COL5A3: variants seen among roughly 807,000 people sequenced by gnomAD.
COL5A3 encodes the protein collagen type V alpha 3 chain, also known as collagen alpha-3(V) chain.
Under a neutral mutation model 250.0 loss-of-function variants are expected in COL5A3, and 172 were observed. That is an observed-to-expected ratio of 0.69 (90% CI 0.61 to 0.78). The LOEUF (loss-of-function observed/expected upper bound fraction) is 0.78, where lower values mean the gene tolerates loss of function less well. COL5A3 is among the 30% of genes least tolerant of loss of function. COL5A3 has a pLI of 0.00. For synonymous variants in COL5A3, 937 were observed against 900.4 expected, an observed-to-expected ratio of 1.04 and a Z score of -0.73; for missense variants, 2,340 against 2,334.4, an observed-to-expected ratio of 1.00 and a Z score of -0.05.
chr19:9,995,395 C>T (rs1018283047), intron 16 of COL5A3, among the ~76,000 whole-genome samples, 169 bp downstream of exon 16: 4 of 152,354 alleles, frequency 2.6e-5, no homozygotes, highest in East Asian at 1.9e-4. Flanking sequence ...CCTGACTCTA[C>T]GGCCTGGCCG....
Position 9,960,803 on chromosome 19 carries a change from A to C in COL5A3, c.4939T>G (p.Phe1647Val). 1 of 1,613,824 alleles carries C rather than the reference A, an allele frequency of 6.2e-7. No homozygotes were observed. The highest frequency in any genetic ancestry group is 8.5e-7 in the Non-Finnish European group (1 of 1,180,030). ...KLLSATARQN[F>V]TYSCQNAAAW... Reference sequence around the variant, plus strand: ...GCTGCATTCTGGCAGGAGTAGGTGAAGTTCTGGCGAGCTGTGGCACTCAGC... The same window carrying C: ...GCTGCATTCTGGCAGGAGTAGGTGACGTTCTGGCGAGCTGTGGCACTCAGC... The change falls in exon 66 of 67, where the codon TTC becomes GTC. Residue 1647 changes from phenylalanine (F) to valine (V), a missense_variant. Around this residue, in one of 3 missense-constraint regions of COL5A3, gnomAD observed 1,179 missense variants for 1,162.6 expected, o/e 1.01. Coordinates refer to ENST00000264828, the MANE Select transcript of COL5A3 (RefSeq NM_015719.4).
At chr19:10,007,321 C>T (rs1358375253) in intron 1 of COL5A3, among the ~76,000 whole-genome samples, 1 of 152,190 alleles carries the variant, frequency 6.6e-6, no homozygotes, top group Non-Finnish European at 1.5e-5. Flanking sequence ...CTCCTCATTT[C>T]ATCTCTCTGA....
At chr19:9,991,308 C>G (rs779476604) in intron 24 of COL5A3, among the ~76,000 whole-genome samples, 8 of 152,168 alleles carry the variant, frequency 5.3e-5, no homozygotes, top group Admixed American at 5.2e-4. Context: ...GCAGATGTGC[C>G]AGGGAACAAA....
At chr19:9,987,067 A>C (rs1233176971) in intron 27 of COL5A3, among the ~76,000 whole-genome samples, 2 of 151,996 alleles carry the variant, frequency 1.3e-5, no homozygotes, top group Non-Finnish European at 1.5e-5. Context: ...CCAGGCCCGG[A>C]CCTCATTTTA....
At chr19:9,989,403 A>G in intron 25 of COL5A3, 37 bp from the exon 26 acceptor site, 1 of 1,613,994 alleles carries the variant, frequency 6.2e-7, no homozygotes, top group Non-Finnish European at 8.5e-7. Context: ...AGAGACCAAA[A>G]CTTGCCATTC....
At chr19:9,999,858 T>C (rs1461667084) in intron 8 of COL5A3, among the ~76,000 whole-genome samples, 1 of 152,090 alleles carries the variant, frequency 6.6e-6, no homozygotes, top group Non-Finnish European at 1.5e-5. Context: ...AGCCTCCACC[T>C]CCTGGGCTCA....
In COL5A3 at chr19:9,977,368, G is replaced by A. The variant is rs754445580; in HGVS notation, c.3231C>T (p.Asp1077=). ...GAAGPSGEEG[D]KGDVGAPGHK... The stretch of plus-strand genomic sequence containing the variant: ...TTCCTCTCTGTGAACCCCTCACCTT[G>A]TCCCCTTCCTCGCCAGAAGGCCCAG... Residue 1077 remains aspartate, a synonymous_variant, in exon 43 of 67, where the codon GAC becomes GAT. Coordinates refer to ENST00000264828, the MANE Select transcript of COL5A3 (RefSeq NM_015719.4). The A allele has an allele frequency of 1.9e-6, 3 of 1,597,004 alleles. No homozygotes were observed. Among genetic ancestry groups the A allele is most frequent in the Non-Finnish European group, 2.6e-6 (3 of 1,168,476 alleles).
intron 19 of COL5A3, 92 bp downstream of exon 19, chr19:9,993,288 G>C: frequency 7.1e-7 from 1 of 1,412,226 alleles, no homozygotes; most frequent in South Asian, 1.2e-5. Context: ...TCTCAAGCTG[G>C]CCACTGAGAC....
rs148999538 is a variant in COL5A3 at position 10,006,090 on chromosome 19, G to A, written c.230C>T (p.Thr77Met). 2.5e-4 allele frequency: 400 copies of A among 1,614,042 alleles called. No homozygotes were observed. The highest frequency in any genetic ancestry group is 9.9e-4 in the South Asian group (90 of 91,080). ...IGQASTLGIP[T>M]WELFPEGHFP... ...CAACTCACCTGGAAAGAGTTCCCACGTGGGGATGCCGAGCGTGCTGGCCTG... is the reference window on the plus strand; with the variant it reads ...CAACTCACCTGGAAAGAGTTCCCACATGGGGATGCCGAGCGTGCTGGCCTG... Residue 77 changes from threonine to methionine, a missense_variant, in exon 2 of 67, where the codon ACG (threonine) becomes ATG (methionine). By Grantham distance (81) the Thr-to-Met change is moderately conservative. Coordinates refer to ENST00000264828, the MANE Select transcript of COL5A3 (RefSeq NM_015719.4).
At chr19:9,977,553 C>A in intron 42 of COL5A3, 41 bp downstream of exon 42, 2 of 1,531,814 alleles carry the variant, frequency 1.3e-6, no homozygotes, top group South Asian at 2.5e-5. Context: ...CAGGGCCAGA[C>A]CCTGAGGAGG....
At chr19:9,992,725 T>G (rs1326534985) in intron 21 of COL5A3, 102 bp downstream of exon 21, 3 of 1,172,958 alleles carry the variant, frequency 2.6e-6, no homozygotes, top group Non-Finnish European at 3.7e-6. Flanking sequence ...TGCAGAGAGC[T>G]GAGATCTCGC....
At position 9,967,397 on chromosome 19, in the gene COL5A3, A is replaced by C; in HGVS notation, c.4408T>G (p.Ser1470Ala). Residue 1470 changes from serine (S) to alanine (A), a missense_variant, in exon 62 of 67, where the codon TCC becomes GCC. Ser to Ala is a moderately conservative substitution (Grantham distance 99). This residue lies in a region of COL5A3 where 1,179 missense variants were observed against 1,162.6 expected (regional missense o/e 1.01). Coordinates refer to ENST00000264828, the MANE Select transcript of COL5A3 (RefSeq NM_015719.4). ...CCAGTGTCTCCACGGGGGCCCATGG[A>C]CCCCTGTAGGGAGAAGTCACTTGGA... is the stretch of plus-strand genomic sequence containing the variant. ...GQKGSKGSPG[S>A]MGPRGDTGPA... 6.7e-7 allele frequency: 1 copy of C among 1,482,486 alleles called. No homozygotes were observed. The highest frequency in any genetic ancestry group is 8.9e-7 in the Non-Finnish European group (1 of 1,126,130). The allele number at this position is 1,482,486 out of a possible 1,614,324, so 91.8% of individuals were successfully genotyped here.
Position 9,966,651 on chromosome 19 carries a change from G to A in COL5A3, c.4554C>T (p.Ala1518=), listed in dbSNP as rs1337972522. ...VVEGGLEEVL[A]SLTSLSLELE... ...GCTCCAAGCTCAGCGATGTGAGCGA[G>A]GCCAGCACCTCCTCCAGGCCGCCCT... Residue 1518 remains alanine (A), a synonymous_variant, in exon 63 of 67, where the codon GCC becomes GCT. Transcript: ENST00000264828. 1 of 1,538,196 alleles carries A rather than the reference G, an allele frequency of 6.5e-7. No homozygotes were observed. The highest frequency in any genetic ancestry group is 2.4e-5 in the East Asian group (1 of 41,010).
intron 6 of COL5A3, among the ~76,000 whole-genome samples, chr19:10,002,285 G>T (rs571919196): frequency 2.0e-5 from 3 of 152,124 alleles, no homozygotes; most frequent in Admixed American, 1.3e-4. Context: ...GGGTTGGGGG[G>T]GTGTGGGAAG....
chr19:9,992,089 G>C (rs111742429), intron 21 of COL5A3, 41 bp from the exon 22 acceptor site: 69,674 of 1,591,396 alleles, frequency 0.044, 4,122 homozygotes, highest in African/African-American at 0.24. Flanking sequence ...AGAGCAACAA[G>C]CTGGGAGCCT....
chr19:9,989,035 C>T, intron 27 of COL5A3, 89 bp downstream of exon 27: 1 of 1,382,188 alleles, frequency 7.2e-7, no homozygotes, highest in South Asian at 1.2e-5. Context: ...ATTCCCCTCT[C>T]CACACATCCA....
intron 4 of COL5A3, among the ~76,000 whole-genome samples, chr19:10,005,342 T>C (rs1033798386): frequency 3.5e-5 from 5 of 143,852 alleles, no homozygotes; most frequent in African/African-American, 1.3e-4. Flanking sequence ...AGAGCAAGGC[T>C]CCATCTCAAA....
intron 8 of COL5A3, 35 bp downstream of exon 8, chr19:10,001,489 C>G: frequency 1.2e-6 from 2 of 1,607,902 alleles, no homozygotes; most frequent in Non-Finnish European, 1.7e-6. Context: ...GAATCCCACT[C>G]TCTTGCACCT....
intron 31 of COL5A3, among the ~76,000 whole-genome samples, chr19:9,984,554 C>T (rs2087067805): frequency 6.6e-6 from 1 of 152,114 alleles, no homozygotes; most frequent in Non-Finnish European, 1.5e-5. Context: ...CTATGATTCT[C>T]CCCTTTAACT....
Sources: gnomAD v4.1 joint callset for allele counts (sites outside exome capture counted in the v4.1 genomes callset) on GRCh38, gnomAD v4.1.1 for gene constraint, gnomAD v4.1.1 regional missense constraint, MANE v1.5 for transcripts, NCBI Gene and HGNC (gene_info 2026-07-23, HGNC 2026-07-21) for gene names.